Variants in XKR9 observed in about 807,000 individuals in gnomAD.
The protein encoded by XKR9 is XK-related protein 9.
Under a neutral mutation model 32.0 loss-of-function variants are expected in XKR9, and 32 were observed. That is an observed-to-expected ratio of 1.00 (90% CI 0.76 to 1.34). The LOEUF (loss-of-function observed/expected upper bound fraction) is 1.34. Ranked by LOEUF, XKR9 falls within the 40% of genes most tolerant of loss-of-function variation. The probability of loss-of-function intolerance (pLI) is 0.00; values close to 1 mark genes in which losing one functional copy is unlikely to be tolerated. For synonymous variants in XKR9, 168 were observed against 143.4 expected, an observed-to-expected ratio of 1.17 and a Z score of -1.22; for missense variants, 546 against 429.7, an observed-to-expected ratio of 1.27 and a Z score of -2.39.
the XKR9 span, among the ~76,000 whole-genome samples, chr8:70,838,536 G>A: frequency 6.6e-6 from 1 of 152,086 alleles, no homozygotes; most frequent in African/African-American, 2.4e-5. Context: ...CTGCCAGATA[G>A]GTGTCATTAT....
rs1173049915 is a variant in XKR9 at position 70,707,051 on chromosome 8, T to C, written c.391T>C (p.Leu131=). 9 of 1,613,412 alleles carry C rather than the reference T, an allele frequency of 5.6e-6. No individual in the cohort carries two copies. Among genetic ancestry groups the C allele is most frequent in the Admixed American group, 3.3e-5 (2 of 59,980 alleles). The change falls in exon 4 of 5, where the codon TTG becomes CTG. Residue 131 remains leucine (L), a synonymous_variant. Coordinates refer to ENST00000408926, the MANE Select transcript of XKR9 (RefSeq NM_001011720.2). The part of the protein sequence containing the change: ...HKEVIDRVTD[L]SMLRLFETYL... ...AGAAGTTATAGATAGAGTGACTGAT[T>C]TGAGCATGCTCAGACTATTTGAGAC... is the stretch of plus-strand genomic sequence containing the variant.
At chr8:70,733,225 T>C (rs1406750368) in intron 4 of XKR9, among the ~76,000 whole-genome samples, 1 of 152,232 alleles carries the variant, frequency 6.6e-6, no homozygotes, top group African/African-American at 2.4e-5. Context: ...AACATACTCA[T>C]TCACTTGTTT....
chr8:70,723,143 C>A (rs1422699710), intron 4 of XKR9, among the ~76,000 whole-genome samples: 1 of 151,964 alleles, frequency 6.6e-6, no homozygotes, highest in Non-Finnish European at 1.5e-5. Flanking sequence ...TTTTTCAGCT[C>A]CATCAGTTCA....
chr8:70,710,092 C>T (rs949090999), intron 4 of XKR9, among the ~76,000 whole-genome samples: 1 of 152,100 alleles, frequency 6.6e-6, no homozygotes, highest in Non-Finnish European at 1.5e-5. Context: ...TAAAAACAGA[C>T]ATGTAGACCA....
the XKR9 span, among the ~76,000 whole-genome samples, chr8:70,961,358 A>T: frequency 6.6e-6 from 1 of 152,108 alleles, no homozygotes; most frequent in Admixed American, 6.5e-5. Context: ...GATGAAGGTG[A>T]GCAAAGGCAG....
At chr8:70,927,202 T>C in the XKR9 span, among the ~76,000 whole-genome samples, 1 of 151,858 alleles carries the variant, frequency 6.6e-6, no homozygotes, top group Non-Finnish European at 1.5e-5. Flanking sequence ...ACAGTGTAAA[T>C]GCTCAGTCTA....
At chr8:70,814,417 A>C in the XKR9 span, among the ~76,000 whole-genome samples, 1 of 152,080 alleles carries the variant, frequency 6.6e-6, no homozygotes, top group Non-Finnish European at 1.5e-5. Context: ...CATTGTGCAC[A>C]TGTACCCTAA....
At chr8:70,747,116 T>A (rs1807069191) in intron 2 of XKR9, among the ~76,000 whole-genome samples, 1 of 152,210 alleles carries the variant, frequency 6.6e-6, no homozygotes, top group African/African-American at 2.4e-5. Context: ...TGTGTAGTAT[T>A]CTGTGGTGTA....
intron 2 of XKR9, among the ~76,000 whole-genome samples, chr8:70,755,118 C>G (rs1396911754): frequency 6.6e-6 from 1 of 152,148 alleles, no homozygotes; most frequent in Non-Finnish European, 1.5e-5. Flanking sequence ...AGACACTTCT[C>G]AAAAGAAGAC....
chr8:71,045,391 C>T, the XKR9 span, among the ~76,000 whole-genome samples: 4 of 152,134 alleles, frequency 2.6e-5, no homozygotes, highest in South Asian at 6.2e-4. Flanking sequence ...TAAATGAAAG[C>T]AGAGTGGCAG....
chr8:70,996,749 G>A, the XKR9 span, among the ~76,000 whole-genome samples: 2 of 152,216 alleles, frequency 1.3e-5, no homozygotes, highest in African/African-American at 4.8e-5. Context: ...GTCACTGTCC[G>A]ACCTTCTTCT....
At chr8:71,025,523 C>A in the XKR9 span, among the ~76,000 whole-genome samples, 1 of 152,192 alleles carries the variant, frequency 6.6e-6, no homozygotes, top group Non-Finnish European at 1.5e-5. Flanking sequence ...CAATAAAACG[C>A]CATTTAAGCT....
the XKR9 span, among the ~76,000 whole-genome samples, chr8:70,902,123 CT>C: frequency 6.6e-6 from 1 of 152,086 alleles, no homozygotes; most frequent in Non-Finnish European, 1.5e-5. Flanking sequence ...TTAGGATTGT[CT>C]TTGCTATGTG....
chr8:71,047,507 G>GT, the XKR9 span, among the ~76,000 whole-genome samples: 1 of 152,204 alleles, frequency 6.6e-6, no homozygotes, highest in South Asian at 2.1e-4. Flanking sequence ...AAGTGATCAT[G>GT]TGTAGTAAAT....
chr8:71,018,985 G>A, the XKR9 span, among the ~76,000 whole-genome samples: 1 of 152,118 alleles, frequency 6.6e-6, no homozygotes, highest in Non-Finnish European at 1.5e-5. Flanking sequence ...AGAAAAAGCT[G>A]GATATCATTC....
intron 3 of XKR9, among the ~76,000 whole-genome samples, chr8:70,686,495 G>A (rs1819284131): frequency 6.6e-6 from 1 of 151,440 alleles, no homozygotes; most frequent in African/African-American, 2.4e-5. Context: ...CCAGGCTGGA[G>A]TGCAGTGGCC....
chr8:70,947,115 C>A, the XKR9 span, among the ~76,000 whole-genome samples: 4 of 152,054 alleles, frequency 2.6e-5, no homozygotes, highest in Admixed American at 2.0e-4. Context: ...GGCAAAAAGC[C>A]CCTGGCAGTT....
chr8:70,746,463 ATATAAT>A (rs949918565), intron 2 of XKR9, among the ~76,000 whole-genome samples: 5 of 148,206 alleles, frequency 3.4e-5, no homozygotes, highest in Non-Finnish European at 7.4e-5. Context: ...AACATATAAA[ATATAAT>A]TATATATTAT....
the XKR9 span, among the ~76,000 whole-genome samples, chr8:70,797,663 G>T: frequency 6.6e-6 from 1 of 151,684 alleles, no homozygotes; most frequent in East Asian, 1.9e-4. Context: ...TTATTTCATT[G>T]GCATAGTACC....
Sources: gnomAD v4.1 joint callset for allele counts (sites outside exome capture counted in the v4.1 genomes callset) on GRCh38, gnomAD v4.1.1 for gene constraint, MANE v1.5 for transcripts, NCBI Gene and HGNC (gene_info 2026-07-23, HGNC 2026-07-21) for gene names.